PGCKA1: variants seen among roughly 807,000 people sequenced by gnomAD.
The protein encoded by PGCKA1 is PDCD10 and GCKIII kinases associated 1.
At chr4:37,511,333 T>A in the PGCKA1 span, among the ~76,000 whole-genome samples, 1 of 152,114 alleles carries the variant, frequency 6.6e-6, no homozygotes, top group Non-Finnish European at 1.5e-5. Context: ...CCAGTATGTC[T>A]GAGTCTCACC....
the PGCKA1 span, among the ~76,000 whole-genome samples, chr4:37,473,272 A>C: frequency 1.3e-5 from 2 of 152,180 alleles, no homozygotes; most frequent in South Asian, 4.1e-4. Flanking sequence ...AAATATTTAT[A>C]CTTTTAGATA....
At chr4:37,567,838 G>A in the PGCKA1 span, among the ~76,000 whole-genome samples, 66 of 152,234 alleles carry the variant, frequency 4.3e-4, no homozygotes, top group Non-Finnish European at 8.7e-4. Context: ...CTGTCTTAAG[G>A]ATAGCAGGCT....
the PGCKA1 span, among the ~76,000 whole-genome samples, chr4:37,554,432 C>G: frequency 6.6e-6 from 1 of 152,134 alleles, no homozygotes; most frequent in Admixed American, 6.5e-5. Flanking sequence ...TCGCTGCACC[C>G]TCCGCCTCCA....
the PGCKA1 span, among the ~76,000 whole-genome samples, chr4:37,509,690 C>T: frequency 2.6e-5 from 4 of 151,314 alleles, no homozygotes; most frequent in Non-Finnish European, 3.0e-5. Context: ...ACTGAGTGAA[C>T]GAGACTCCAT....
the PGCKA1 span, among the ~76,000 whole-genome samples, chr4:37,551,082 G>T: frequency 6.6e-6 from 1 of 152,140 alleles, no homozygotes; most frequent in East Asian, 1.9e-4. Context: ...AAATTTCCAA[G>T]GTTGCAGACT....
At chr4:37,588,825 CT>C in the PGCKA1 span, 1 of 1,582,686 alleles carries the variant, frequency 6.3e-7, no homozygotes, top group Non-Finnish European at 8.7e-7. Flanking sequence ...TGTTCTCTAC[CT>C]TTTACGCTTT....
the PGCKA1 span, among the ~76,000 whole-genome samples, chr4:37,548,652 A>C: frequency 6.6e-6 from 1 of 152,374 alleles, no homozygotes; most frequent in South Asian, 2.1e-4. Context: ...ACACACTAAT[A>C]TAAAGGTAAA....
At chr4:37,519,366 G>C in the PGCKA1 span, among the ~76,000 whole-genome samples, 2 of 151,950 alleles carry the variant, frequency 1.3e-5, no homozygotes, top group African/African-American at 2.4e-5. Context: ...GGGTAGTATG[G>C]ACATTTTAAT....
chr4:37,490,986 C>G, the PGCKA1 span, among the ~76,000 whole-genome samples: 9 of 152,076 alleles, frequency 5.9e-5, no homozygotes, highest in African/African-American at 1.7e-4. Flanking sequence ...TTGATAAAGT[C>G]TTTACTTTTT....
At chr4:37,496,046 T>C in the PGCKA1 span, among the ~76,000 whole-genome samples, 4 of 152,170 alleles carry the variant, frequency 2.6e-5, no homozygotes, top group African/African-American at 9.6e-5. Flanking sequence ...ATCCATAACC[T>C]ATAGACAACC....
chr4:37,570,234 T>G, the PGCKA1 span, among the ~76,000 whole-genome samples: 143,400 of 145,366 alleles, frequency 0.99, 70,758 homozygotes, highest in Middle Eastern at 1. Flanking sequence ...TCCTGACCTT[T>G]TGAGCCGCCG....
the PGCKA1 span, among the ~76,000 whole-genome samples, chr4:37,559,598 AATAAG>A: frequency 1.3e-5 from 2 of 151,084 alleles, no homozygotes; most frequent in South Asian, 2.1e-4. Flanking sequence ...GTATAATAAT[AATAAG>A]ATAAAATAAA....
the PGCKA1 span, among the ~76,000 whole-genome samples, chr4:37,592,227 A>G: frequency 6.7e-6 from 1 of 149,750 alleles, no homozygotes; most frequent in Non-Finnish European, 1.5e-5. Context: ...AAAAAAAAAA[A>G]AGAGCTAAGC....
At chr4:37,504,221 C>A in the PGCKA1 span, among the ~76,000 whole-genome samples, 1 of 152,090 alleles carries the variant, frequency 6.6e-6, no homozygotes, top group Non-Finnish European at 1.5e-5. Flanking sequence ...GCAACTTTAT[C>A]AAAAATGAGT....
chr4:37,463,392 A>G, the PGCKA1 span, among the ~76,000 whole-genome samples: 1 of 152,316 alleles, frequency 6.6e-6, no homozygotes, highest in East Asian at 1.9e-4. Context: ...TTGCAGTTAC[A>G]ATTTATCTGC....
the PGCKA1 span, among the ~76,000 whole-genome samples, chr4:37,479,435 A>C: frequency 1.3e-5 from 2 of 152,184 alleles, no homozygotes; most frequent in Admixed American, 1.3e-4. Flanking sequence ...TCATAAATTA[A>C]TGAGTATTCC....
chr4:37,554,374 C>T, the PGCKA1 span, among the ~76,000 whole-genome samples: 4 of 135,158 alleles, frequency 3.0e-5, no homozygotes, highest in Admixed American at 7.7e-5. Context: ...TATTTAGAGG[C>T]AGAGTCTTGC....
chr4:37,527,909 G>A, the PGCKA1 span, among the ~76,000 whole-genome samples: 1 of 152,244 alleles, frequency 6.6e-6, no homozygotes, highest in South Asian at 2.1e-4. Flanking sequence ...GTATCCTAGG[G>A]GCAATAGGCT....
chr4:37,539,594 C>A, the PGCKA1 span, among the ~76,000 whole-genome samples: 1 of 152,170 alleles, frequency 6.6e-6, no homozygotes, highest in African/African-American at 2.4e-5. Flanking sequence ...GCAGAGGTTG[C>A]ATTGAGCTGA....
Sources: gnomAD v4.1 joint callset for allele counts (sites outside exome capture counted in the v4.1 genomes callset) on GRCh38, gnomAD v4.1.1 for gene constraint, MANE v1.5 for transcripts, NCBI Gene and HGNC (gene_info 2026-07-23, HGNC 2026-07-21) for gene names.